Variants in RNGTT observed in about 807,000 individuals in gnomAD.
RNGTT encodes the protein RNA guanylyltransferase and 5'-phosphatase.
Under a neutral mutation model 79.3 loss-of-function variants are expected in RNGTT, and 33 were observed. That is an observed-to-expected ratio of 0.42 (90% confidence interval 0.32 to 0.56). The LOEUF is 0.56. Among genes scored for constraint, RNGTT ranks in the 20% least tolerant of loss-of-function variants. The pLI is 0.17. For synonymous variants in RNGTT, 222 were observed against 235.9 expected, an observed-to-expected ratio of 0.94 and a Z score of 0.54; for missense variants, 497 against 739.1, an observed-to-expected ratio of 0.67 and a Z score of 3.80.
chr6:88,632,199 C>T (rs1161649221), intron 14 of RNGTT, among the ~76,000 whole-genome samples: 4 of 152,100 alleles, frequency 2.6e-5, no homozygotes, highest in Non-Finnish European at 5.9e-5. Context: ...CGGGCTGAAG[C>T]AACCCATCTG....
chr6:88,950,085 CTCTG>C (rs1209195331), intron 1 of RNGTT, among the ~76,000 whole-genome samples: 25 of 152,218 alleles, frequency 1.6e-4, no homozygotes, highest in African/African-American at 6.0e-4. Context: ...GCTAAATCTA[CTCTG>C]TCTGTGCTCT....
intron 14 of RNGTT, among the ~76,000 whole-genome samples, chr6:88,622,100 G>T (rs1772461914): frequency 6.6e-6 from 1 of 152,032 alleles, no homozygotes; most frequent in Non-Finnish European, 1.5e-5. Context: ...CTATTTTATG[G>T]AATACAGTGT....
At chr6:88,923,913 G>T (rs1784239232) in intron 4 of RNGTT, among the ~76,000 whole-genome samples, 1 of 152,184 alleles carries the variant, frequency 6.6e-6, no homozygotes. Flanking sequence ...CAACAAACAG[G>T]TCATTCTGTC....
At chr6:88,730,361 T>C (rs1777065804) in intron 13 of RNGTT, among the ~76,000 whole-genome samples, 1 of 152,138 alleles carries the variant, frequency 6.6e-6, no homozygotes, top group Non-Finnish European at 1.5e-5. Flanking sequence ...GTTTAGTCTG[T>C]GCCATCTAAC....
At chr6:88,809,393 A>G (rs2127869630) in intron 11 of RNGTT, among the ~76,000 whole-genome samples, 1 of 152,288 alleles carries the variant, frequency 6.6e-6, no homozygotes, top group Non-Finnish European at 1.5e-5. Flanking sequence ...AGCAGACAGA[A>G]AGCCAGTGAG....
At chr6:88,668,835 T>G (rs1774517446) in intron 14 of RNGTT, among the ~76,000 whole-genome samples, 1 of 151,910 alleles carries the variant, frequency 6.6e-6, no homozygotes, top group Non-Finnish European at 1.5e-5. Context: ...AGTAACAAGC[T>G]AGGGATGGGA....
intron 11 of RNGTT, among the ~76,000 whole-genome samples, chr6:88,829,701 CAAAAAAAAAA>C: frequency 2.1e-5 from 1 of 47,622 alleles, no homozygotes; most frequent in African/African-American, 8.8e-5. Context: ...AAATGGAAAG[CAAAAAAAAAA>C]AAAAAAAAAA....
At chr6:88,794,413 T>C (rs901220340) in intron 12 of RNGTT, among the ~76,000 whole-genome samples, 48 of 152,126 alleles carry the variant, frequency 3.2e-4, no homozygotes, top group African/African-American at 1.1e-3. Flanking sequence ...TTTACCTACA[T>C]TGATAACATA....
At chr6:88,670,848 C>T (rs1360082686) in intron 14 of RNGTT, among the ~76,000 whole-genome samples, 2 of 152,074 alleles carry the variant, frequency 1.3e-5, no homozygotes, top group East Asian at 1.9e-4. Context: ...TTGGGGAGCT[C>T]GGATCTTGAG....
rs1371772040 is a variant in RNGTT, at chr6:88,794,212, G to T, written c.1338+7352C>A. Among the ~76,000 whole-genome samples, 3 of 152,178 alleles carry T rather than the reference G, an allele frequency of 2.0e-5. No individual in the cohort carries two copies. In the East Asian group the frequency reaches 5.8e-4, roughly 29 times the overall value. ...ACTGGGAAGTTTCTGAAGAGAATAT[G>T]CAGAGGACAAAACTCATGTTATTGT... is the stretch of plus-strand genomic sequence containing the variant. On this transcript the variant is annotated intron_variant, in intron 12 of 15. Transcript: ENST00000369485.
rs528122440 is a variant in RNGTT, at chr6:88,920,144, C to T, written c.367+8841G>A. On this transcript the variant is annotated intron_variant, in intron 4 of 15. Transcript: ENST00000369485. ...CTCTAAAAAATTATTTAATATAATA[C>T]AATAAAGGCAAAAAAAATTAATGCA... 6.0e-3 allele frequency among the ~76,000 whole-genome samples: 912 copies of T among 152,098 alleles called. 17 individuals are homozygous for T. Among genetic ancestry groups the T allele is most frequent in the African/African-American group, 0.02 (831 of 41,514 alleles).
intron 13 of RNGTT, among the ~76,000 whole-genome samples, chr6:88,689,512 T>G (rs746908262): frequency 1.4e-4 from 21 of 151,018 alleles, no homozygotes; most frequent in Admixed American, 4.0e-4. Context: ...GAGAATCACT[T>G]GAACCCAGGA....
intron 11 of RNGTT, among the ~76,000 whole-genome samples, chr6:88,825,703 T>G (rs1780634220): frequency 6.6e-6 from 1 of 152,240 alleles, no homozygotes; most frequent in African/African-American, 2.4e-5. Flanking sequence ...GCACAGTGTG[T>G]TCTATTGGTC....
intron 8 of RNGTT, among the ~76,000 whole-genome samples, chr6:88,881,658 G>GC (rs1055256075): frequency 1.4e-4 from 21 of 152,114 alleles, no homozygotes. Context: ...AAAAAGCCCT[G>GC]CCATACCTGT....
At chr6:88,717,675 A>G (rs2127811167) in intron 13 of RNGTT, among the ~76,000 whole-genome samples, 1 of 152,240 alleles carries the variant, frequency 6.6e-6, no homozygotes, top group East Asian at 1.9e-4. Flanking sequence ...ACGCCAATGG[A>G]GGAGACCCAG....
At chr6:88,806,318 CT>C (rs896456612) in intron 11 of RNGTT, among the ~76,000 whole-genome samples, 1,379 of 135,528 alleles carry the variant, frequency 0.01, 13 homozygotes, top group East Asian at 0.075. Context: ...AAGGAACACG[CT>C]TTTTTTTTTT....
chr6:88,728,110 C>T (rs111950035), intron 13 of RNGTT, among the ~76,000 whole-genome samples: 1 of 152,218 alleles, frequency 6.6e-6, no homozygotes, highest in Admixed American at 6.5e-5. Context: ...AGGGAAAACC[C>T]TACCAAACTA....
intron 11 of RNGTT, among the ~76,000 whole-genome samples, chr6:88,809,568 A>G (rs921869127): frequency 1.3e-5 from 2 of 152,184 alleles, no homozygotes; most frequent in African/African-American, 4.8e-5. Context: ...AATATTTGGA[A>G]AGTCATCCAA....
chr6:88,880,431 C>A (rs1399684320), intron 8 of RNGTT, among the ~76,000 whole-genome samples: 1 of 152,062 alleles, frequency 6.6e-6, no homozygotes, highest in Admixed American at 6.5e-5. Flanking sequence ...AAGCAAGTCC[C>A]AAATTTACCT....
Sources: gnomAD v4.1 joint callset for allele counts (sites outside exome capture counted in the v4.1 genomes callset) on GRCh38, gnomAD v4.1.1 for gene constraint, MANE v1.5 for transcripts, NCBI Gene and HGNC (gene_info 2026-07-23, HGNC 2026-07-21) for gene names.